MSH5: variants seen among roughly 807,000 people sequenced by gnomAD.
The protein encoded by MSH5 is mutS homolog 5, also known as mutS protein homolog 5.
Under a neutral mutation model 107.7 loss-of-function variants are expected in MSH5, and 78 were observed. The observed-to-expected ratio is 0.72, with a 90% CI of 0.60 to 0.87. The LOEUF is 0.87. Ranked by LOEUF, MSH5 falls within the 40% of genes least tolerant of loss-of-function variation. The pLI is 0.00. For synonymous variants in MSH5, 326 were observed against 399.5 expected (o/e 0.82, Z 2.19); for missense variants, 889 against 1,046.6 (o/e 0.85, Z 2.08).
At position 31,760,119 on chromosome 6, in the gene MSH5, C is replaced by T. The variant is rs781415195; in HGVS notation, c.1715C>T (p.Thr572Ile). The change falls in exon 19 of 25, where the codon ACC becomes ATC. Residue 572 changes from threonine to isoleucine, a missense_variant. Coordinates refer to ENST00000375750, the MANE Select transcript of MSH5 (RefSeq NM_172166.4). The surrounding 1 kb of genome is among the most constrained non-coding windows in gnomAD (Gnocchi z 5.6). ...CCTCTGATGGAACTCTGTGCCCGAA[C>T]CTTTGTGCCCAACTCCACAGAATGT... ...RHPLMELCARTFVPNSTECGG... is the reference protein window; with the variant it reads ...RHPLMELCARIFVPNSTECGG... 6.2e-7 allele frequency: 1 copy of T among 1,606,976 alleles called. No homozygotes were observed. Among genetic ancestry groups the T allele is most frequent in the African/African-American group, 1.3e-5 (1 of 74,890 alleles).
chr6:31,753,658 G>C (rs769844047), intron 12 of MSH5, 29 bp downstream of exon 12: 2 of 1,611,392 alleles, frequency 1.2e-6, no homozygotes, highest in East Asian at 4.5e-5. Context: ...AATCCCAAAA[G>C]TCCAGGTAAA....
intron 3 of MSH5, among the ~76,000 whole-genome samples, chr6:31,741,653 A>G (rs986893292): frequency 6.6e-6 from 1 of 152,076 alleles, no homozygotes; most frequent in Non-Finnish European, 1.5e-5. Flanking sequence ...AAGTGCTGGG[A>G]CTACAGGTGT....
At position 31,743,925 on chromosome 6, in the gene MSH5, GCCT is replaced by G; in HGVS notation, c.441_443del (p.Leu148del). ...ATAGGTCTGGAGATAAGCAAACAAC[GCCT>G]CCTTTCTGGAAACTACTCCTTCATC... On this transcript the variant is annotated inframe_deletion, in exon 6 of 25. Transcript: ENST00000375750. 6 of 1,613,300 alleles carry G rather than the reference GCCT, an allele frequency of 3.7e-6. No individual in the cohort carries two copies. The highest frequency in any genetic ancestry group is 5.1e-6 in the Non-Finnish European group (6 of 1,179,986).
At chr6:31,741,735 A>G (rs1808929986) in intron 3 of MSH5, among the ~76,000 whole-genome samples, 1 of 151,440 alleles carries the variant, frequency 6.6e-6, no homozygotes, top group Non-Finnish European at 1.5e-5. Context: ...GTGTTGCTGT[A>G]AGGAAATACC....
intron 9 of MSH5, 93 bp downstream of exon 9, chr6:31,745,412 A>C: frequency 1.2e-6 from 1 of 840,400 alleles, no homozygotes; most frequent in South Asian, 1.4e-5. Context: ...TTCCCACTTC[A>C]CTCCCATTGT....
intron 24 of MSH5, 84 bp downstream of exon 24, chr6:31,762,269 C>T: frequency 6.6e-7 from 1 of 1,505,342 alleles, no homozygotes; most frequent in Non-Finnish European, 9.2e-7. Context: ...CAGCCTTCCT[C>T]CAGCACTTTG....
chr6:31,747,259 G>A, intron 9 of MSH5, 128 bp from the exon 10 acceptor site: 1 of 929,778 alleles, frequency 1.1e-6, no homozygotes, highest in Non-Finnish European at 1.7e-6. Flanking sequence ...CTGCCTTTGT[G>A]CCCTCCCAGG....
Position 31,753,438 on chromosome 6 carries a change from C to T in MSH5, c.950C>T (p.Pro317Leu). Residue 317 changes from proline to leucine, a missense_variant and splice_region_variant, in exon 11 of 25, where the codon CCT (proline) becomes CTT (leucine). By Grantham distance (98) the Pro-to-Leu change is moderately conservative. Around this residue, in one of 3 missense-constraint regions of MSH5, gnomAD observed 518 missense variants for 565.0 expected, o/e 0.92. Coordinates refer to ENST00000375750, the MANE Select transcript of MSH5 (RefSeq NM_172166.4). Reference protein sequence around the residue: ...HRLLGHIKNVPLILKRMKLSH... With the variant: ...HRLLGHIKNVLLILKRMKLSH... ...CTCCTGGGTCACATCAAGAACGTGC[C>T]TGTGAGCCCAGGGTGGAGGGCAGGG... is the stretch of plus-strand genomic sequence containing the variant. 1 of 1,613,722 alleles carries T rather than the reference C, an allele frequency of 6.2e-7. No individual in the cohort carries two copies. The highest frequency in any genetic ancestry group is 8.5e-7 in the Non-Finnish European group (1 of 1,179,664).
At chr6:31,741,066 CAG>C (rs1808822202) in intron 2 of MSH5, 95 bp from the exon 3 acceptor site, 2 of 1,483,734 alleles carry the variant, frequency 1.3e-6, no homozygotes, top group Admixed American at 2.0e-5. Context: ...ATGCCTATCT[CAG>C]AGATTTGAGA....
intron 8 of MSH5, 29 bp downstream of exon 8, chr6:31,744,610 CTG>C (rs1809243923): frequency 6.2e-7 from 1 of 1,612,044 alleles, no homozygotes. Context: ...GCTGCTGTCT[CTG>C]GGGAGGGAGA....
intron 12 of MSH5, among the ~76,000 whole-genome samples, chr6:31,756,439 TG>T (rs747421883): frequency 6.6e-6 from 1 of 152,142 alleles, no homozygotes; most frequent in Non-Finnish European, 1.5e-5. Context: ...CCCAAAGTGC[TG>T]GGATTACAGG....
chr6:31,740,207 C>T lies in MSH5; in HGVS notation c.-14+145C>T, dbSNP rs1264263506. The stretch of plus-strand genomic sequence containing the variant: ...CTCGCCCCACAGGGCCCTCAGACCC[C>T]TTCCTTCCAAAGGGTAACCTCCGCG... On this transcript the variant is annotated intron_variant, in intron 1 of 24. Coordinates refer to ENST00000375750, the MANE Select transcript of MSH5 (RefSeq NM_172166.4). This position sits in a 1 kb window ranked among gnomAD's most constrained non-coding sequence, Gnocchi z 4.4. 4 of 423,270 alleles carry T rather than the reference C, an allele frequency of 9.5e-6. No homozygotes were observed. Among genetic ancestry groups the T allele is most frequent in the South Asian group, 4.3e-5 (1 of 23,246 alleles). 26.2% of individuals were successfully genotyped at this position (423,270 alleles called of 1,614,324 possible).
intron 23 of MSH5, 35 bp from the exon 24 acceptor site, chr6:31,762,077 C>G (rs753277990): frequency 6.2e-7 from 1 of 1,613,228 alleles, no homozygotes; most frequent in African/African-American, 1.3e-5. Context: ...CTTCCCCACT[C>G]CCCTTACTCC....
chr6:31,746,763 T>G (rs1809502023), intron 9 of MSH5, among the ~76,000 whole-genome samples: 1 of 151,574 alleles, frequency 6.6e-6, no homozygotes, highest in Admixed American at 6.6e-5. Flanking sequence ...CTATTGAGTT[T>G]TTGTATTTTT....
At chr6:31,750,898 C>G (rs960739405) in intron 10 of MSH5, among the ~76,000 whole-genome samples, 19 of 152,202 alleles carry the variant, frequency 1.2e-4, no homozygotes, top group Admixed American at 1.2e-3. Context: ...TGTGGGCTCA[C>G]AAGTCCCTAC....
chr6:31,759,120 C>A lies in MSH5; in HGVS notation c.1350C>A (p.Pro450=), dbSNP rs1157753748. 4.3e-6 allele frequency: 7 copies of A among 1,612,878 alleles called. No homozygotes were observed. Among genetic ancestry groups the A allele is most frequent in the Middle Eastern group, 1.6e-4 (1 of 6,084 alleles). Residue 450 remains proline, a synonymous_variant, in exon 16 of 25, where the codon CCC becomes CCA. Coordinates refer to ENST00000375750, the MANE Select transcript of MSH5 (RefSeq NM_172166.4). The surrounding 1 kb of genome is among the most constrained non-coding windows in gnomAD (Gnocchi z 4.7). ...AGATTGGCTTCCTTCTTTCTATTCC[C>A]CGCCTGCCTTCCATGGTAGAGGCCA... The part of the protein sequence containing the change: ...IPLIGFLLSI[P]RLPSMVEASD...
rs1282284456 is a variant in MSH5, at chr6:31,758,757, C to T, written c.1217-9C>T. ...ACTTTTGATAACCACGTGTCTTCCA[C>T]CCTCGTAGAAAAGCGAAGACTGATG... On this transcript the variant is annotated splice_polypyrimidine_tract_variant and intron_variant, in intron 14 of 24. Coordinates refer to ENST00000375750, the MANE Select transcript of MSH5 (RefSeq NM_172166.4). This position sits in a 1 kb window ranked among gnomAD's most constrained non-coding sequence, Gnocchi z 5.1. The T allele has an allele frequency of 1.2e-6, 2 of 1,613,636 alleles. No homozygotes were observed. Among genetic ancestry groups the T allele is most frequent in the Non-Finnish European group, 1.7e-6 (2 of 1,179,568 alleles).
rs1178426915 is a variant in MSH5 at position 31,744,002 on chromosome 6, A to G, written c.514A>G (p.Ile172Val). ...GAAAATCCTCTTCCTCTCTTCCATT[A>G]TTCCCTTTGACTGCCTCCTCACAGT... ...TEKILFLSSI[I>V]PFDCLLTVRA... Residue 172 changes from isoleucine to valine, a missense_variant, in exon 6 of 25, where the codon ATT becomes GTT. Physicochemically the swap from Ile to Val is conservative, Grantham distance 29. Coordinates refer to ENST00000375750, the MANE Select transcript of MSH5 (RefSeq NM_172166.4). The G allele has an allele frequency of 6.2e-7, 1 of 1,614,030 alleles. No homozygotes were observed. Among genetic ancestry groups the G allele is most frequent in the Non-Finnish European group, 8.5e-7 (1 of 1,180,012 alleles).
In MSH5 at chr6:31,753,424, C is replaced by A. The variant is rs773398484; in HGVS notation, c.936C>A (p.His312Gln). Residue 312 changes from histidine to glutamine, a missense_variant, in exon 11 of 25, where the codon CAC (histidine) becomes CAA (glutamine). This residue lies in a region of MSH5 where 518 missense variants were observed against 565.0 expected (regional missense o/e 0.92). Coordinates refer to ENST00000375750, the MANE Select transcript of MSH5 (RefSeq NM_172166.4). The part of the protein sequence containing the change: ...MAQMLHRLLG[H>Q]IKNVPLILKR... Reference sequence around the variant, plus strand: ...AGATGCTGCATCGGCTCCTGGGTCACATCAAGAACGTGCCTGTGAGCCCAG... The same window carrying A: ...AGATGCTGCATCGGCTCCTGGGTCAAATCAAGAACGTGCCTGTGAGCCCAG... 3.1e-6 allele frequency: 5 copies of A among 1,613,828 alleles called. No individual in the cohort carries two copies. The highest frequency in any genetic ancestry group is 3.3e-5 in the Admixed American group (2 of 59,982).
Sources: allele counts gnomAD v4.1 joint callset (sites outside exome capture counted in the v4.1 genomes callset), GRCh38; gene constraint gnomAD v4.1.1; regional missense constraint gnomAD v4.1.1; non-coding constraint Gnocchi (gnomAD v3.1); transcripts MANE v1.5; gene names NCBI Gene and HGNC (gene_info 2026-07-23, HGNC 2026-07-21).